Variants in RBM20 observed in about 807,000 individuals in gnomAD.
RBM20 encodes RNA binding motif protein 20.
Under a neutral mutation model 110.1 loss-of-function variants are expected in RBM20, and 51 were observed. That is an observed-to-expected ratio of 0.46 (90% CI 0.37 to 0.59). RBM20 has a LOEUF of 0.59. Ranked by LOEUF, RBM20 falls within the 20% of genes least tolerant of loss-of-function variation. RBM20 has a pLI of 0.00. For synonymous variants in RBM20, 589 were observed against 618.2 expected, an observed-to-expected ratio of 0.95 and a Z score of 0.70; for missense variants, 1,512 against 1,574.9, an observed-to-expected ratio of 0.96 and a Z score of 0.68.
At chr10:110,767,341 C>A (rs1844112856) in intron 1 of RBM20, among the ~76,000 whole-genome samples, 1 of 140,808 alleles carries the variant, frequency 7.1e-6, no homozygotes, top group Admixed American at 6.9e-5. Context: ...GGGTGGGGGG[C>A]TGACCCCCCC....
intron 13 of RBM20, among the ~76,000 whole-genome samples, chr10:110,834,186 T>C (rs1297323457): frequency 6.6e-6 from 1 of 152,176 alleles, no homozygotes; most frequent in Admixed American, 6.5e-5. Flanking sequence ...TGGAGCGGAA[T>C]GTGTCCACGT....
intron 1 of RBM20, among the ~76,000 whole-genome samples, chr10:110,652,519 G>A (rs55929010): frequency 0.22 from 33,567 of 152,092 alleles, 4,636 homozygotes; most frequent in Middle Eastern, 0.33. Flanking sequence ...TTTAAAAACA[G>A]CAACAGAAGG....
Position 110,823,450 on chromosome 10 carries a change from TTTTTTTTTGC to T in RBM20, c.3317-29_3317-20del. The T allele has an allele frequency of 6.5e-6, 8 of 1,234,318 alleles. No homozygotes were observed. The highest frequency in any genetic ancestry group is 2.5e-4 in the Middle Eastern group (1 of 3,956). The allele number at this position is 1,234,318 out of a possible 1,614,324, so 76.5% of individuals were successfully genotyped here. A position where few individuals can be genotyped will look rare whatever the true frequency, so the allele number is the denominator to read the frequency against. On this transcript the variant is annotated intron_variant, in intron 11 of 13. Coordinates refer to ENST00000369519, the MANE Select transcript of RBM20 (RefSeq NM_001134363.3). ...GTATTTCTTTTTTTTTTTTTTTTTT[TTTTTTTTTGC>T]CTTGGTTCATGTTTTGCAGAAAACT...
intron 1 of RBM20, among the ~76,000 whole-genome samples, chr10:110,689,396 A>ATGAG (rs1862553809): frequency 1.3e-5 from 2 of 152,242 alleles, no homozygotes; most frequent in African/African-American, 4.8e-5. Flanking sequence ...ATGTCAGCTA[A>ATGAG]TGAGTGCTAT....
intron 1 of RBM20, among the ~76,000 whole-genome samples, chr10:110,750,548 T>C (rs1843840151): frequency 6.6e-6 from 1 of 152,168 alleles, no homozygotes; most frequent in South Asian, 2.1e-4. Flanking sequence ...TATCCAAGCA[T>C]GGGGAAATTG....
chr10:110,709,238 GC>G (rs549590739), intron 1 of RBM20, among the ~76,000 whole-genome samples: 18 of 152,112 alleles, frequency 1.2e-4, no homozygotes, highest in Non-Finnish European at 2.4e-4. Flanking sequence ...CATGGCTAAT[GC>G]CCTCCTGCTG....
intron 1 of RBM20, among the ~76,000 whole-genome samples, chr10:110,724,543 G>C (rs1209052722): frequency 1.3e-5 from 2 of 152,182 alleles, no homozygotes; most frequent in Non-Finnish European, 1.5e-5. Flanking sequence ...CGTTAGCACT[G>C]TGAGTGGGGA....
intron 1 of RBM20, among the ~76,000 whole-genome samples, chr10:110,749,407 G>A (rs1843824982): frequency 6.6e-6 from 1 of 151,854 alleles, no homozygotes; most frequent in Non-Finnish European, 1.5e-5. Flanking sequence ...TAAAACAATA[G>A]GGTACCTAGA....
intron 12 of RBM20, among the ~76,000 whole-genome samples, chr10:110,829,156 C>T (rs1291991463): frequency 6.6e-6 from 1 of 152,218 alleles, no homozygotes. Context: ...CCCAGCTGCC[C>T]CTCTCCTATA....
intron 1 of RBM20, among the ~76,000 whole-genome samples, chr10:110,667,100 AC>A (rs1862189679): frequency 1.3e-5 from 2 of 152,178 alleles, no homozygotes; most frequent in South Asian, 2.1e-4. Context: ...AGTTGTTTCA[AC>A]CAACCTCATT....
At chr10:110,747,300 G>C (rs911406973) in intron 1 of RBM20, among the ~76,000 whole-genome samples, 3 of 150,844 alleles carry the variant, frequency 2.0e-5, no homozygotes, top group Middle Eastern at 3.4e-3. Context: ...TTTTTTTGGG[G>C]GGGGGGGTCA....
At chr10:110,769,959 T>C (rs1844164304) in intron 1 of RBM20, among the ~76,000 whole-genome samples, 1 of 152,166 alleles carries the variant, frequency 6.6e-6, no homozygotes, top group Non-Finnish European at 1.5e-5. Flanking sequence ...CCTCAAGTGA[T>C]CCTTCTGCTG....
intron 1 of RBM20, among the ~76,000 whole-genome samples, chr10:110,708,954 G>A (rs534376052): frequency 2.0e-5 from 3 of 152,310 alleles, no homozygotes; most frequent in African/African-American, 4.8e-5. Context: ...TGGGCCTGGC[G>A]TCCAATTTCA....
chr10:110,712,727 A>T (rs184949004), intron 1 of RBM20, among the ~76,000 whole-genome samples: 1 of 152,202 alleles, frequency 6.6e-6, no homozygotes, highest in Non-Finnish European at 1.5e-5. Flanking sequence ...AGATCGCACC[A>T]CTGCACTCCA....
At chr10:110,690,192 C>T (rs375401810) in intron 1 of RBM20, among the ~76,000 whole-genome samples, 17 of 152,166 alleles carry the variant, frequency 1.1e-4, no homozygotes, top group East Asian at 5.8e-4. Context: ...GATTGCTTGA[C>T]GCTGGGAGTT....
At chr10:110,747,306 G>C (rs1045166399) in intron 1 of RBM20, among the ~76,000 whole-genome samples, 2 of 150,386 alleles carry the variant, frequency 1.3e-5, no homozygotes, top group African/African-American at 4.9e-5. Flanking sequence ...TGGGGGGGGG[G>C]GTCATTCTGG....
chr10:110,689,277 C>T (rs1862552206), intron 1 of RBM20, among the ~76,000 whole-genome samples: 1 of 152,236 alleles, frequency 6.6e-6, no homozygotes, highest in African/African-American at 2.4e-5. Flanking sequence ...GAGTCAGGCT[C>T]TGCTGGAGGC....
At chr10:110,726,256 T>G (rs771278758) in intron 1 of RBM20, among the ~76,000 whole-genome samples, 29 of 152,192 alleles carry the variant, frequency 1.9e-4, no homozygotes, top group Non-Finnish European at 2.9e-4. Context: ...CTAGGTGGCC[T>G]GTCTCAGAGT....
Position 110,693,496 on chromosome 10 carries a change from T to C in RBM20, c.191+48851T>C, listed in dbSNP as rs1181763557. Among the ~76,000 whole-genome samples the C allele has an allele frequency of 3.3e-5, 5 of 152,346 alleles. No individual in the cohort carries two copies. In the South Asian group the frequency reaches 8.3e-4, roughly 25 times the overall value. ...TTCATGGGTCAGTTTTGGTAGATTG[T>C]ATCTTTCTAGGCATTCGTCCATTTC... On this transcript the variant is annotated intron_variant, in intron 1 of 13. Transcript: ENST00000369519.
Sources: gnomAD v4.1 joint callset for allele counts (sites outside exome capture counted in the v4.1 genomes callset) on GRCh38, gnomAD v4.1.1 for gene constraint, MANE v1.5 for transcripts, NCBI Gene and HGNC (gene_info 2026-07-23, HGNC 2026-07-21) for gene names.